Variants in AGTPBP1 observed in about 807,000 individuals in gnomAD.
AGTPBP1 encodes the protein cytosolic carboxypeptidase 1.
A neutral mutation model predicts 143.9 loss-of-function variants in AGTPBP1; 70 were observed. The observed-to-expected ratio is 0.49, with a 90% CI of 0.40 to 0.59. The LOEUF is 0.59. AGTPBP1 is among the 20% of genes least tolerant of loss of function. AGTPBP1 has a pLI of 0.00. For missense variants in AGTPBP1, 1,229 were observed against 1,464.5 expected (o/e 0.84, Z 2.62); for synonymous variants, 463 against 500.2 (o/e 0.93, Z 0.99).
chr9:85,569,579 CTTAT>C (rs1470051168), intron 25 of AGTPBP1, among the ~76,000 whole-genome samples: 1 of 152,100 alleles, frequency 6.6e-6, no homozygotes, highest in Non-Finnish European at 1.5e-5. Flanking sequence ...CCTCATTCCC[CTTAT>C]TTACTCTATC....
Position 85,547,290 on chromosome 9 carries a change from C to A in AGTPBP1, c.3504-4G>T. 6.2e-7 allele frequency: 1 copy of A among 1,604,536 alleles called. No homozygotes were observed. Reference sequence around the variant, plus strand: ...ATCCAAGACATAAGTGGTAGGGCTGCAGCCAAAACACACAGAACATACAAG... The same window carrying A: ...ATCCAAGACATAAGTGGTAGGGCTGAAGCCAAAACACACAGAACATACAAG... On this transcript the variant is annotated splice_region_variant and splice_polypyrimidine_tract_variant and intron_variant, in intron 25 of 25. Coordinates refer to ENST00000357081, the MANE Select transcript of AGTPBP1 (RefSeq NM_001330701.2).
intron 21 of AGTPBP1, among the ~76,000 whole-genome samples, chr9:85,587,887 G>T (rs1828713267): frequency 6.6e-6 from 1 of 151,872 alleles, no homozygotes; most frequent in Admixed American, 6.6e-5. Flanking sequence ...TAGCAGATGG[G>T]GCTAACATTC....
intron 7 of AGTPBP1, among the ~76,000 whole-genome samples, chr9:85,671,237 T>C (rs763425512): frequency 2.0e-5 from 3 of 152,162 alleles, no homozygotes; most frequent in Non-Finnish European, 2.9e-5. Context: ...TGTGCGACTG[T>C]ACCAGTGTAT....
intron 13 of AGTPBP1, among the ~76,000 whole-genome samples, chr9:85,636,069 A>T (rs751865553): frequency 6.6e-6 from 1 of 152,064 alleles, no homozygotes; most frequent in Non-Finnish European, 1.5e-5. Flanking sequence ...TCCACATACA[A>T]ACTTATAAAG....
chr9:85,551,582 T>C (rs1178437691), intron 25 of AGTPBP1, among the ~76,000 whole-genome samples: 1 of 152,214 alleles, frequency 6.6e-6, no homozygotes, highest in Non-Finnish European at 1.5e-5. Flanking sequence ...TCAATAAATG[T>C]TTGCTAAACT....
intron 19 of AGTPBP1, among the ~76,000 whole-genome samples, chr9:85,590,896 GT>G (rs1358833146): frequency 6.6e-6 from 1 of 152,074 alleles, no homozygotes; most frequent in African/African-American, 2.4e-5. Flanking sequence ...TGGTAGACAG[GT>G]CTTTCCAAAA....
chr9:85,637,673 G>A (rs1832161064), intron 13 of AGTPBP1, among the ~76,000 whole-genome samples: 1 of 152,156 alleles, frequency 6.6e-6, no homozygotes, highest in African/African-American at 2.4e-5. Flanking sequence ...ACTACAAGGG[G>A]CCCAAGGAGA....
In AGTPBP1 at chr9:85,692,815, T is replaced by TA. The variant is rs1835967023; in HGVS notation, c.33-3dup. 1 of 1,612,682 alleles carries TA rather than the reference T, an allele frequency of 6.2e-7. No individual in the cohort carries two copies. Among genetic ancestry groups the TA allele is most frequent in the African/African-American group, 1.3e-5 (1 of 74,828 alleles). On this transcript the variant is annotated splice_region_variant and splice_polypyrimidine_tract_variant and intron_variant, in intron 2 of 25. Coordinates refer to ENST00000357081, the MANE Select transcript of AGTPBP1 (RefSeq NM_001330701.2). ...ACGATCCTAGAATTATTGGTAAGGC[T>TA]AAAAAGAACGTAGAATGTTAGGGCA...
intron 17 of AGTPBP1, among the ~76,000 whole-genome samples, chr9:85,615,308 A>G (rs2133478631): frequency 6.6e-6 from 1 of 152,268 alleles, no homozygotes; most frequent in Admixed American, 6.5e-5. Flanking sequence ...TCTTTGAGAA[A>G]TCCAACTTCT....
At chr9:85,554,042 G>C (rs1194512932) in intron 25 of AGTPBP1, 1 of 152,242 alleles carries the variant, frequency 6.6e-6, no homozygotes, top group Non-Finnish European at 1.5e-5. Context: ...CATAGGGTTA[G>C]TGATTTGCTA....
chr9:85,577,576 T>C (rs1268195761), intron 24 of AGTPBP1, among the ~76,000 whole-genome samples: 1 of 152,208 alleles, frequency 6.6e-6, no homozygotes. Flanking sequence ...TTTTACAATA[T>C]TCAGGGAGAT....
At chr9:85,799,418 A>G in the AGTPBP1 span, among the ~76,000 whole-genome samples, 2 of 152,172 alleles carry the variant, frequency 1.3e-5, no homozygotes, top group African/African-American at 4.8e-5. Context: ...TGTCCTCCAC[A>G]ATGGTTGAAC....
At chr9:85,598,042 A>G (rs1335987835) in intron 17 of AGTPBP1, among the ~76,000 whole-genome samples, 6 of 152,314 alleles carry the variant, frequency 3.9e-5, no homozygotes, top group East Asian at 3.9e-4. Flanking sequence ...TTTAAAGGAT[A>G]AATACAATTC....
chr9:85,621,164 C>A, intron 15 of AGTPBP1, 38 bp downstream of exon 15: 1 of 1,210,884 alleles, frequency 8.3e-7, no homozygotes, highest in Non-Finnish European at 1.1e-6. Context: ...TATAGAAAAA[C>A]TTAAAACTAA....
intron 8 of AGTPBP1, among the ~76,000 whole-genome samples, chr9:85,663,947 A>C (rs1833986547): frequency 6.6e-6 from 1 of 152,204 alleles, no homozygotes; most frequent in Non-Finnish European, 1.5e-5. Flanking sequence ...CAATACAGCC[A>C]TATAACTGTG....
At chr9:85,649,330 A>G (rs774468420) in intron 11 of AGTPBP1, among the ~76,000 whole-genome samples, 2 of 152,212 alleles carry the variant, frequency 1.3e-5, no homozygotes, top group African/African-American at 2.4e-5. Flanking sequence ...TATTGTGCCT[A>G]TAAATGTGAT....
intron 11 of AGTPBP1, among the ~76,000 whole-genome samples, chr9:85,653,380 T>C (rs1416447620): frequency 1.3e-5 from 2 of 152,210 alleles, no homozygotes; most frequent in African/African-American, 2.4e-5. Flanking sequence ...CAGTGACTCA[T>C]TGGTCTGAGA....
intron 1 of AGTPBP1, among the ~76,000 whole-genome samples, chr9:85,727,542 A>T (rs1838584926): frequency 6.6e-6 from 1 of 152,244 alleles, no homozygotes; most frequent in Non-Finnish European, 1.5e-5. Flanking sequence ...ACAGAAATAC[A>T]GTGGCTTAGC....
chr9:85,639,936 C>T (rs1832357599), intron 13 of AGTPBP1, among the ~76,000 whole-genome samples: 1 of 152,202 alleles, frequency 6.6e-6, no homozygotes. Flanking sequence ...CATTTTCCTT[C>T]CATCTGGCCA....
Sources: allele counts gnomAD v4.1 joint callset (sites outside exome capture counted in the v4.1 genomes callset), GRCh38; gene constraint gnomAD v4.1.1; transcripts MANE v1.5; gene names NCBI Gene and HGNC (gene_info 2026-07-23, HGNC 2026-07-21).